Variants in DPP6 observed in about 807,000 individuals in gnomAD.
The protein encoded by DPP6 is dipeptidyl peptidase like 6.
In DPP6, 69 loss-of-function variants were observed where a neutral mutation model predicts 122.6. The observed-to-expected ratio is 0.56, with a 90% CI of 0.46 to 0.69. DPP6 has a LOEUF of 0.69. DPP6 is among the 30% of genes least tolerant of loss of function. The probability of loss-of-function intolerance (pLI) is 0.00; values close to 1 mark genes in which losing one functional copy is unlikely to be tolerated. For synonymous variants in DPP6, 418 were observed against 433.1 expected, an observed-to-expected ratio of 0.97 and a Z score of 0.43; for missense variants, 928 against 1,116.9, an observed-to-expected ratio of 0.83 and a Z score of 2.41.
At chr7:154,623,629 A>G (rs1444662256) in intron 5 of DPP6, among the ~76,000 whole-genome samples, 1 of 149,674 alleles carries the variant, frequency 6.7e-6, no homozygotes, top group Non-Finnish European at 1.5e-5. Context: ...ACGCGCACAC[A>G]TGCGTGCACA....
chr7:154,238,548 T>G (rs1367912701), intron 1 of DPP6, among the ~76,000 whole-genome samples: 1 of 152,158 alleles, frequency 6.6e-6, no homozygotes, highest in African/African-American at 2.4e-5. Flanking sequence ...AGCACTATTG[T>G]TCCCATGATT....
intron 1 of DPP6, among the ~76,000 whole-genome samples, chr7:154,244,108 C>T (rs1020633354): frequency 6.6e-6 from 1 of 150,892 alleles, no homozygotes; most frequent in Non-Finnish European, 1.5e-5. Context: ...CCAAGATAAC[C>T]AAATTACTGA....
the DPP6 span, among the ~76,000 whole-genome samples, chr7:153,872,801 T>C: frequency 6.6e-6 from 1 of 152,232 alleles, no homozygotes; most frequent in Admixed American, 6.5e-5. Context: ...ATACCTGTAC[T>C]GTCTCTCTAT....
intron 8 of DPP6, among the ~76,000 whole-genome samples, chr7:154,751,577 T>C (rs1587024254): frequency 7.2e-6 from 1 of 139,588 alleles, no homozygotes; most frequent in African/African-American, 2.7e-5. Context: ...GCCACTGCAC[T>C]CCAGCCTGGG....
At chr7:154,745,541 C>A (rs2131430130) in intron 8 of DPP6, among the ~76,000 whole-genome samples, 1 of 152,216 alleles carries the variant, frequency 6.6e-6, no homozygotes, top group East Asian at 1.9e-4. Flanking sequence ...TTTTGTGTTG[C>A]CATAAAGGAA....
intron 1 of DPP6, among the ~76,000 whole-genome samples, chr7:154,240,011 A>AGTG (rs1394859132): frequency 1.2e-5 from 1 of 81,216 alleles, no homozygotes; most frequent in African/African-American, 1.3e-4. Flanking sequence ...AAAAAAAAAA[A>AGTG]AAAAAAAAAA....
At chr7:154,490,993 G>A (rs1203762059) in intron 3 of DPP6, among the ~76,000 whole-genome samples, 3 of 152,316 alleles carry the variant, frequency 2.0e-5, no homozygotes, top group Admixed American at 1.3e-4. Context: ...GAACACGCAC[G>A]TGCGATATAC....
At position 154,328,262 on chromosome 7, in the gene DPP6, A is replaced by G. The variant is rs1380917022; in HGVS notation, c.244-117952A>G. On this transcript the variant is annotated intron_variant, in intron 1 of 25. Coordinates refer to ENST00000377770, the MANE Select transcript of DPP6 (RefSeq NM_130797.4). ...TCTGTGGGCATGGCCTCCTAGAGAAATAGTCCAGCGCTGGAGGCACAGAGA... is the reference window on the plus strand; with the variant it reads ...TCTGTGGGCATGGCCTCCTAGAGAAGTAGTCCAGCGCTGGAGGCACAGAGA... Among the ~76,000 whole-genome samples, 3 of 152,196 alleles carry G rather than the reference A, an allele frequency of 2.0e-5. 1 individual carries two copies. The highest frequency in any genetic ancestry group is 4.4e-5 in the Non-Finnish European group (3 of 68,026).
chr7:154,441,387 T>C (rs781663215), intron 1 of DPP6, among the ~76,000 whole-genome samples: 3 of 152,232 alleles, frequency 2.0e-5, no homozygotes, highest in Non-Finnish European at 4.4e-5. Context: ...TGTGTTTCTA[T>C]AATTTTTATA....
intron 10 of DPP6, among the ~76,000 whole-genome samples, chr7:154,784,348 C>G (rs1000446227): frequency 6.6e-6 from 1 of 152,162 alleles, no homozygotes; most frequent in Non-Finnish European, 1.5e-5. Context: ...ACCAAGCCCC[C>G]ACCCTTCTGT....
intron 1 of DPP6, among the ~76,000 whole-genome samples, chr7:154,166,175 C>G (rs909020976): frequency 1.4e-4 from 22 of 152,256 alleles, no homozygotes; most frequent in Non-Finnish European, 3.1e-4. Flanking sequence ...TTCTTTCATT[C>G]TCTATTTTAG....
chr7:154,544,690 G>A (rs574834443), intron 4 of DPP6, among the ~76,000 whole-genome samples: 1 of 152,288 alleles, frequency 6.6e-6, no homozygotes, highest in African/African-American at 2.4e-5. Context: ...AGCCGGTTGT[G>A]CAAGTTCTGA....
intron 1 of DPP6, among the ~76,000 whole-genome samples, chr7:154,366,539 C>T (rs1243819085): frequency 6.6e-6 from 1 of 152,222 alleles, no homozygotes; most frequent in Admixed American, 6.5e-5. Context: ...TAGCTTGCAA[C>T]TGCAGAGATT....
intron 4 of DPP6, 66 bp downstream of exon 4, chr7:154,540,692 A>G: frequency 9.7e-7 from 1 of 1,029,938 alleles, no homozygotes; most frequent in Non-Finnish European, 1.4e-6. Flanking sequence ...TAAAACAGAA[A>G]ATGACTTTTG....
intron 1 of DPP6, among the ~76,000 whole-genome samples, chr7:154,412,575 T>TG (rs906022043): frequency 6.6e-6 from 1 of 152,206 alleles, no homozygotes; most frequent in African/African-American, 2.4e-5. Context: ...ATATGAATTT[T>TG]GGAGACACAA....
chr7:154,184,060 T>G (rs965543608), intron 1 of DPP6, among the ~76,000 whole-genome samples: 1 of 152,124 alleles, frequency 6.6e-6, no homozygotes, highest in Non-Finnish European at 1.5e-5. Context: ...GCATTTAGCC[T>G]TTATCCACAA....
At chr7:154,686,778 C>T (rs190007804) in intron 7 of DPP6, among the ~76,000 whole-genome samples, 5 of 152,166 alleles carry the variant, frequency 3.3e-5, no homozygotes, top group Non-Finnish European at 7.4e-5. Context: ...TAGTTTTCTA[C>T]GCTTCATTAT....
chr7:154,722,038 A>G (rs1841841920), intron 7 of DPP6, among the ~76,000 whole-genome samples: 1 of 151,608 alleles, frequency 6.6e-6, no homozygotes, highest in Admixed American at 6.6e-5. Flanking sequence ...AGATAGATAT[A>G]TAGATAGATG....
intron 13 of DPP6, among the ~76,000 whole-genome samples, chr7:154,802,812 G>A (rs944654664): frequency 1.5e-4 from 22 of 149,904 alleles, no homozygotes; most frequent in African/African-American, 5.5e-4. Context: ...ACTCCAGCCT[G>A]GGTGACAGAG....
Sources: allele counts gnomAD v4.1 joint callset (sites outside exome capture counted in the v4.1 genomes callset), GRCh38; gene constraint gnomAD v4.1.1; transcripts MANE v1.5; gene names NCBI Gene and HGNC (gene_info 2026-07-23, HGNC 2026-07-21).